EYS: variants seen among roughly 807,000 people sequenced by gnomAD.
EYS encodes EGF-like photoreceptor maintenance factor.
In EYS, 250 loss-of-function variants were observed where a neutral mutation model predicts 282.1. That is an observed-to-expected ratio of 0.89 (90% confidence interval 0.80 to 0.98). The LOEUF (loss-of-function observed/expected upper bound fraction) is 0.98, where lower values mean the gene tolerates loss of function less well. EYS is among the 50% of genes least tolerant of loss of function. The pLI, the probability that EYS is intolerant of heterozygous loss-of-function variation, is 0.00. For synonymous variants in EYS, 1,355 were observed against 1,282.9 expected, an observed-to-expected ratio of 1.06 and a Z score of -1.20; for missense variants, 4,016 against 3,709.0, an observed-to-expected ratio of 1.08 and a Z score of -2.15.
intron 2 of EYS, among the ~76,000 whole-genome samples, chr6:65,566,668 T>C (rs1769291424): frequency 6.6e-6 from 1 of 152,090 alleles, no homozygotes. Flanking sequence ...CTATATTTAA[T>C]CATGGTGTCA....
At chr6:64,977,557 C>T (rs1387038748) in intron 14 of EYS, among the ~76,000 whole-genome samples, 4 of 150,816 alleles carry the variant, frequency 2.7e-5, no homozygotes, top group Non-Finnish European at 4.4e-5. Context: ...ACATGTCTCA[C>T]TTTAAATCAA....
intron 22 of EYS, among the ~76,000 whole-genome samples, chr6:64,725,757 C>G (rs184876291): frequency 6.1e-4 from 93 of 152,042 alleles, no homozygotes; most frequent in African/African-American, 2.1e-3. Context: ...CATTTTATAT[C>G]CATGTCTTAT....
At chr6:65,544,050 CAGAG>C (rs1186708027) in intron 2 of EYS, among the ~76,000 whole-genome samples, 6 of 111,482 alleles carry the variant, frequency 5.4e-5, no homozygotes, top group Non-Finnish European at 7.9e-5. Context: ...GAGACAAAGA[CAGAG>C]AGAGAGAGAG....
rs552047284 is a variant in EYS, at chr6:65,306,265, C to T, written c.1767-10146G>A. On this transcript the variant is annotated intron_variant, in intron 11 of 42. Transcript: ENST00000503581. ...GCGGCTCATCAAGAGTTGAACTTCA[C>T]GTAGCCTTGTTGGGAATATGGAAAA... Among the ~76,000 whole-genome samples the T allele has an allele frequency of 3.9e-5, 6 of 152,224 alleles. No homozygotes were observed. The East Asian group carries it at 5.8e-4, about 15-fold the overall frequency.
At chr6:64,990,183 A>T (rs1402624641) in intron 14 of EYS, among the ~76,000 whole-genome samples, 1 of 151,592 alleles carries the variant, frequency 6.6e-6, no homozygotes, top group Non-Finnish European at 1.5e-5. Flanking sequence ...AATTGCTAAA[A>T]TCAATCTGTT....
intron 12 of EYS, among the ~76,000 whole-genome samples, chr6:65,255,166 G>A (rs536681447): frequency 1.1e-3 from 166 of 151,674 alleles, no homozygotes; most frequent in South Asian, 2.9e-3. Context: ...GCATGGTACC[G>A]GCATAAAAAC....
At chr6:64,060,435 T>G (rs2149850825) in intron 33 of EYS, among the ~76,000 whole-genome samples, 1 of 152,248 alleles carries the variant, frequency 6.6e-6, no homozygotes, top group South Asian at 2.1e-4. Flanking sequence ...AGCAGAGGTG[T>G]CTGAGAGCCT....
At chr6:64,746,930 G>A (rs1379247725) in intron 22 of EYS, among the ~76,000 whole-genome samples, 1 of 152,172 alleles carries the variant, frequency 6.6e-6, no homozygotes, top group East Asian at 1.9e-4. Flanking sequence ...ATGGTCTATG[G>A]TACTGGAAAC....
chr6:64,161,624 GATA>G (rs1197841051), intron 31 of EYS, among the ~76,000 whole-genome samples: 1 of 152,144 alleles, frequency 6.6e-6, no homozygotes, highest in East Asian at 1.9e-4. Flanking sequence ...AAACACTGGG[GATA>G]ATGAGTCACC....
At chr6:65,406,738 T>TATGTGCAATAAAGTTGCACATAG (rs1766760983) in intron 5 of EYS, among the ~76,000 whole-genome samples, 3 of 152,290 alleles carry the variant, frequency 2.0e-5, no homozygotes, top group East Asian at 3.9e-4. Flanking sequence ...TATGCCTTTT[T>TATGTGCAATAAAGTTGCACATAG]ATGTGCAATA....
At chr6:65,413,922 G>T (rs536944361) in intron 5 of EYS, among the ~76,000 whole-genome samples, 12 of 152,038 alleles carry the variant, frequency 7.9e-5, no homozygotes, top group African/African-American at 2.9e-4. Context: ...TTTCAGTTCA[G>T]ATAATGTTCT....
At chr6:65,607,275 T>C (rs888568275) in intron 2 of EYS, among the ~76,000 whole-genome samples, 2 of 151,716 alleles carry the variant, frequency 1.3e-5, no homozygotes, top group African/African-American at 4.8e-5. Context: ...CTGCACAAAA[T>C]TGGCAAGGCA....
At chr6:64,955,471 A>G (rs1250860030) in intron 14 of EYS, among the ~76,000 whole-genome samples, 1 of 152,192 alleles carries the variant, frequency 6.6e-6, no homozygotes, top group African/African-American at 2.4e-5. Context: ...GGCAGTGCGC[A>G]TGGAAACACA....
chr6:64,189,640 TG>T (rs1176509389), intron 31 of EYS, among the ~76,000 whole-genome samples: 1 of 152,142 alleles, frequency 6.6e-6, no homozygotes, highest in African/African-American at 2.4e-5. Context: ...CTCATTAATG[TG>T]GGTGGAACTC....
chr6:64,642,578 T>C (rs1301703809), intron 22 of EYS, among the ~76,000 whole-genome samples: 1 of 152,232 alleles, frequency 6.6e-6, no homozygotes, highest in Non-Finnish European at 1.5e-5. Flanking sequence ...TTTCAACATA[T>C]ATAATTTTCC....
intron 32 of EYS, among the ~76,000 whole-genome samples, chr6:64,070,711 C>T (rs928402345): frequency 6.6e-6 from 1 of 152,004 alleles, no homozygotes; most frequent in African/African-American, 2.4e-5. Context: ...AATATTAAAA[C>T]TTGTATACCC....
intron 2 of EYS, among the ~76,000 whole-genome samples, chr6:65,583,425 T>C (rs1764936179): frequency 1.3e-5 from 2 of 152,086 alleles, no homozygotes; most frequent in Admixed American, 1.3e-4. Context: ...TTTCTTGTAG[T>C]GTTTTATACA....
At chr6:64,963,288 T>C (rs1769984718) in intron 14 of EYS, among the ~76,000 whole-genome samples, 1 of 152,308 alleles carries the variant, frequency 6.6e-6, no homozygotes, top group East Asian at 1.9e-4. Flanking sequence ...TTATTAAACA[T>C]ATATAGACTT....
intron 26 of EYS, among the ~76,000 whole-genome samples, chr6:64,457,563 T>C (rs1775595262): frequency 1.3e-5 from 2 of 152,106 alleles, no homozygotes; most frequent in South Asian, 4.1e-4. Context: ...CTGCATATAT[T>C]GTTATATCCT....
Sources: gnomAD v4.1 joint callset for allele counts (sites outside exome capture counted in the v4.1 genomes callset) on GRCh38, gnomAD v4.1.1 for gene constraint, MANE v1.5 for transcripts, NCBI Gene and HGNC (gene_info 2026-07-23, HGNC 2026-07-21) for gene names.